ADGRD1: variants seen among roughly 807,000 people sequenced by gnomAD.
ADGRD1 encodes the protein G-protein coupled receptor 133.
A neutral mutation model predicts 113.4 loss-of-function variants in ADGRD1; 77 were observed. The ratio of observed to expected loss-of-function variants is 0.68; its 90% CI spans 0.57 to 0.82. ADGRD1 has a LOEUF of 0.82. Ranked by LOEUF, ADGRD1 falls within the 40% of genes least tolerant of loss-of-function variation. ADGRD1 has a pLI of 0.00. For synonymous variants in ADGRD1, 474 were observed against 475.0 expected (o/e 1.00, Z 0.03); for missense variants, 1,036 against 1,139.1 (o/e 0.91, Z 1.30).
At position 131,057,928 on chromosome 12, in the gene ADGRD1, G is replaced by T. The variant is rs961596055; in HGVS notation, c.1474-18873G>T. ...CCGCAGCCGTCTTCGTGCTCATCTC[G>T]CTTCTTTCTTGTTCATGTTTTTCCT... On this transcript the variant is annotated intron_variant, in intron 13 of 24. Transcript: ENST00000261654. The surrounding 1 kb of genome is among the most constrained non-coding windows in gnomAD (Gnocchi z 4.2). Among the ~76,000 whole-genome samples the T allele has an allele frequency of 6.6e-6, 1 of 152,064 alleles. No homozygotes were observed. Among genetic ancestry groups the T allele is most frequent in the East Asian group, 1.9e-4 (1 of 5,198 alleles).
intron 8 of ADGRD1, among the ~76,000 whole-genome samples, chr12:130,996,569 C>T (rs1332444438): frequency 2.9e-4 from 39 of 134,748 alleles, no homozygotes; most frequent in Admixed American, 5.7e-4. Context: ...GGCGGCTGGC[C>T]GGGCAGAGGG....
At chr12:130,987,430 C>T in intron 6 of ADGRD1, 81 bp downstream of exon 6, 1 of 1,527,110 alleles carries the variant, frequency 6.5e-7, no homozygotes, top group Admixed American at 1.7e-5. Flanking sequence ...TCTCCCCACT[C>T]TCCCGTTGCA....
chr12:131,068,878 T>C (rs1163409321), intron 13 of ADGRD1, among the ~76,000 whole-genome samples: 1 of 152,240 alleles, frequency 6.6e-6, no homozygotes, highest in Non-Finnish European at 1.5e-5. Context: ...GTAACACTTT[T>C]ATAGACGTTT....
At chr12:130,987,406 GT>G (rs1362598785) in intron 6 of ADGRD1, 57 bp downstream of exon 6, 2 of 1,600,604 alleles carry the variant, frequency 1.2e-6, no homozygotes, top group Non-Finnish European at 1.7e-6. Flanking sequence ...GGTCACCCTG[GT>G]ATCGGCCTCC....
chr12:131,007,120 C>G (rs960305784), intron 12 of ADGRD1, among the ~76,000 whole-genome samples: 1 of 152,210 alleles, frequency 6.6e-6, no homozygotes, highest in East Asian at 1.9e-4. Context: ...AAGCGGCATC[C>G]GTGCCACGGC....
At chr12:131,097,516 G>C (rs892120139) in intron 15 of ADGRD1, among the ~76,000 whole-genome samples, 2 of 152,234 alleles carry the variant, frequency 1.3e-5, no homozygotes, top group African/African-American at 2.4e-5. Context: ...GACCCAGCCC[G>C]GGGGAGGCTG....
At chr12:131,110,640 C>A (rs970195872) in intron 18 of ADGRD1, among the ~76,000 whole-genome samples, 12 of 152,116 alleles carry the variant, frequency 7.9e-5, no homozygotes, top group Non-Finnish European at 1.8e-4. Flanking sequence ...TTACATTAAC[C>A]TTCTGATTTC....
In ADGRD1 at chr12:131,003,769, G is replaced by A. The variant is rs35081713; in HGVS notation, c.1145-417G>A. Among the ~76,000 whole-genome samples the A allele has an allele frequency of 6.6e-6, 1 of 152,196 alleles. No homozygotes were observed. Among genetic ancestry groups the A allele is most frequent in the African/African-American group, 2.4e-5 (1 of 41,448 alleles). On this transcript the variant is annotated intron_variant, in intron 10 of 24. Transcript: ENST00000261654. This position sits in a 1 kb window ranked among gnomAD's most constrained non-coding sequence, Gnocchi z 4.8. ...CTGCTGATACTTCGCTGCAAGAGCC[G>A]AGCTGGGGAAAATGGGCTGAAGCTA... is the stretch of plus-strand genomic sequence containing the variant.
intron 15 of ADGRD1, among the ~76,000 whole-genome samples, chr12:131,086,736 C>T (rs915453232): frequency 1.3e-5 from 2 of 152,240 alleles, no homozygotes; most frequent in South Asian, 2.1e-4. Flanking sequence ...CAGCTGCTCA[C>T]GTGAGCGCGT....
chr12:131,046,769 C>T (rs1160904140), intron 13 of ADGRD1, among the ~76,000 whole-genome samples: 1 of 138,414 alleles, frequency 7.2e-6, no homozygotes, highest in Non-Finnish European at 1.6e-5. Flanking sequence ...GTCAGTGCTC[C>T]CTCCCTGGTC....
intron 13 of ADGRD1, among the ~76,000 whole-genome samples, chr12:131,040,840 C>G (rs990193651): frequency 6.6e-6 from 1 of 152,248 alleles, no homozygotes; most frequent in African/African-American, 2.4e-5. Flanking sequence ...CACCACTCAG[C>G]CTGCAGGTGA....
chr12:130,959,510 G>A (rs2136471314), intron 2 of ADGRD1, among the ~76,000 whole-genome samples: 1 of 152,294 alleles, frequency 6.6e-6, no homozygotes, highest in Non-Finnish European at 1.5e-5. Flanking sequence ...GTTTAAGGCT[G>A]CAGTGAACCG....
intron 20 of ADGRD1, among the ~76,000 whole-genome samples, chr12:131,125,876 T>A (rs572133512): frequency 6.6e-6 from 1 of 152,200 alleles, no homozygotes; most frequent in Non-Finnish European, 1.5e-5. Context: ...TATAATGCAA[T>A]GTTGAATATC....
chr12:131,088,191 G>A (rs1429757752), intron 15 of ADGRD1, among the ~76,000 whole-genome samples: 1 of 150,886 alleles, frequency 6.6e-6, no homozygotes, highest in Non-Finnish European at 1.5e-5. Context: ...TACCAGCAGA[G>A]AAACTGAGCC....
In ADGRD1 at chr12:131,060,999, AC is replaced by A. The variant is rs746379241; in HGVS notation, c.1474-15799del. Among the ~76,000 whole-genome samples the A allele has an allele frequency of 1.3e-5, 2 of 151,968 alleles. No homozygotes were observed. Among genetic ancestry groups the A allele is most frequent in the Non-Finnish European group, 2.9e-5 (2 of 67,990 alleles). On this transcript the variant is annotated intron_variant, in intron 13 of 24. Coordinates refer to ENST00000261654, the MANE Select transcript of ADGRD1 (RefSeq NM_198827.5). The surrounding 1 kb of genome is among the most constrained non-coding windows in gnomAD (Gnocchi z 4.4). ...TACGTAACACTGTTCAGACCTGGAC[AC>A]CCGTGAGACTCATCCCTGTGAATGA...
chr12:131,083,201 C>T (rs1299522961), intron 14 of ADGRD1, among the ~76,000 whole-genome samples: 1 of 152,208 alleles, frequency 6.6e-6, no homozygotes, highest in Non-Finnish European at 1.5e-5. Flanking sequence ...TGAATGCTTT[C>T]CCCCAAGGGC....
rs145366335 is a variant in ADGRD1, at chr12:131,022,561, C to T, written c.1473+8221C>T. ...CTATTTCATCCCACAGGGCGCTGTC[C>T]GGCTCTATCATTACGGATTCTGTTG... On this transcript the variant is annotated intron_variant, in intron 13 of 24. Transcript: ENST00000261654. The surrounding 1 kb of genome is among the most constrained non-coding windows in gnomAD (Gnocchi z 4.6). Among the ~76,000 whole-genome samples the T allele has an allele frequency of 2.4e-3, 365 of 152,268 alleles. 2 individuals are homozygous for T. The highest frequency in any genetic ancestry group is 8.2e-3 in the African/African-American group (342 of 41,554).
intron 13 of ADGRD1, among the ~76,000 whole-genome samples, chr12:131,015,705 G>A (rs931165524): frequency 9.2e-5 from 14 of 152,154 alleles, no homozygotes; most frequent in Non-Finnish European, 1.6e-4. Context: ...CTTCCTCTCT[G>A]CATGTGACCA....
intron 8 of ADGRD1, among the ~76,000 whole-genome samples, chr12:130,997,195 C>CA (rs1045796376): frequency 7.0e-6 from 1 of 142,652 alleles, no homozygotes; most frequent in Non-Finnish European, 1.6e-5. Context: ...CTGACCCCCC[C>CA]CCCCGGACGG....
Sources: allele counts gnomAD v4.1 joint callset (sites outside exome capture counted in the v4.1 genomes callset), GRCh38; gene constraint gnomAD v4.1.1; non-coding constraint Gnocchi (gnomAD v3.1); transcripts MANE v1.5; gene names NCBI Gene and HGNC (gene_info 2026-07-23, HGNC 2026-07-21).